LOXHD1: variants seen among roughly 807,000 people sequenced by gnomAD.
LOXHD1 encodes lipoxygenase homology PLAT domains 1.
A neutral mutation model predicts 248.2 loss-of-function variants in LOXHD1; 205 were observed. The observed-to-expected ratio is 0.83, with a 90% CI of 0.74 to 0.93. LOXHD1 has a LOEUF of 0.93. Among genes scored for constraint, LOXHD1 ranks in the 40% least tolerant of loss-of-function variants. LOXHD1 has a pLI of 0.00. For synonymous variants in LOXHD1, 1,113 were observed against 1,162.8 expected (o/e 0.96, Z 0.87); for missense variants, 2,930 against 2,971.6 (o/e 0.99, Z 0.33).
chr18:46,581,693 A>C (rs1266457270), intron 12 of LOXHD1, among the ~76,000 whole-genome samples: 2 of 152,216 alleles, frequency 1.3e-5, no homozygotes, highest in Admixed American at 6.5e-5. Flanking sequence ...TACACATTCA[A>C]CATGTTCAAC....
rs74440735 is a variant in LOXHD1, at chr18:46,618,120, A to G, written c.610+72T>C. On this transcript the variant is annotated intron_variant, in intron 5 of 40. Transcript: ENST00000642948. ...GGGGCTCAAGCTGCCTTCCTCTGCC[A>G]GGATTGTGGGAACCCCATCTACAAA... is the stretch of plus-strand genomic sequence containing the variant. The G allele has an allele frequency of 4.8e-3, 5,543 of 1,150,166 alleles. 145 individuals carry two copies. In the East Asian group the frequency reaches 0.053, roughly 11 times the overall value. 71.2% of individuals were successfully genotyped at this position (1,150,166 alleles called of 1,614,324 possible).
chr18:46,551,720 A>G (rs2037113399), intron 21 of LOXHD1, among the ~76,000 whole-genome samples: 4 of 152,160 alleles, frequency 2.6e-5, no homozygotes. Flanking sequence ...AAGATATCAC[A>G]ATCTTGTAAA....
intron 37 of LOXHD1, among the ~76,000 whole-genome samples, chr18:46,502,414 G>A (rs2034291437): frequency 1.3e-5 from 2 of 152,202 alleles, no homozygotes; most frequent in South Asian, 4.1e-4. Context: ...TGGAGTTGCA[G>A]GCAGGAAGCA....
chr18:46,583,419 T>C (rs1337410753), intron 12 of LOXHD1, among the ~76,000 whole-genome samples: 1 of 151,970 alleles, frequency 6.6e-6, no homozygotes, highest in Non-Finnish European at 1.5e-5. Context: ...TATTTGCAAA[T>C]TATACATCTG....
At chr18:46,485,536 C>T (rs1393749554) in intron 38 of LOXHD1, among the ~76,000 whole-genome samples, 1 of 152,004 alleles carries the variant, frequency 6.6e-6, no homozygotes, top group Non-Finnish European at 1.5e-5. Flanking sequence ...GCAAAGCCAC[C>T]CCAAAGACCC....
intron 34 of LOXHD1, among the ~76,000 whole-genome samples, chr18:46,510,983 G>T (rs575527743): frequency 6.6e-6 from 1 of 152,330 alleles, no homozygotes; most frequent in East Asian, 1.9e-4. Context: ...CCAGGAGCAT[G>T]ATTTTGCAGA....
At chr18:46,624,168 G>A (rs1359973805) in intron 4 of LOXHD1, among the ~76,000 whole-genome samples, 1 of 152,224 alleles carries the variant, frequency 6.6e-6, no homozygotes, top group Non-Finnish European at 1.5e-5. Flanking sequence ...GAGAATGATT[G>A]GGCCTGATTT....
At chr18:46,642,156 C>A (rs1717339859) in intron 2 of LOXHD1, 120 bp from the exon 3 acceptor site, 3 of 862,600 alleles carry the variant, frequency 3.5e-6, no homozygotes, top group Non-Finnish European at 5.6e-6. Context: ...GAGCTATGAG[C>A]AACAAGATCC....
chr18:46,483,706 C>T lies in LOXHD1; in HGVS notation c.6222G>A (p.Leu2074=). 1 of 1,551,764 alleles carries T rather than the reference C, an allele frequency of 6.4e-7. No individual in the cohort carries two copies. The highest frequency in any genetic ancestry group is 8.7e-7 in the Non-Finnish European group (1 of 1,147,014). The part of the protein sequence containing the change: ...TDTFEFDSIY[L]GDIASLCVGH... ...CCACACAGAGGGAGGCAATGTCCCC[C>T]AAGTAGATGCTGTCAAACTCAAACG... The change falls in exon 40 of 41, where the codon TTG becomes TTA. Residue 2074 remains leucine, a synonymous_variant. Coordinates refer to ENST00000642948, the MANE Select transcript of LOXHD1 (RefSeq NM_001384474.1).
intron 37 of LOXHD1, among the ~76,000 whole-genome samples, chr18:46,501,412 C>T (rs527949340): frequency 2.0e-5 from 3 of 152,170 alleles, no homozygotes; most frequent in South Asian, 2.1e-4. Context: ...TTTAAAATGG[C>T]CCCCAAACAT....
chr18:46,563,370 T>A, intron 17 of LOXHD1, 145 bp from the exon 18 acceptor site: 1 of 758,762 alleles, frequency 1.3e-6, no homozygotes, highest in South Asian at 3.1e-5. Context: ...CTCAACACCC[T>A]GAGTAAGCAC....
At chr18:46,551,534 G>A (rs2037105178) in intron 21 of LOXHD1, among the ~76,000 whole-genome samples, 1 of 152,024 alleles carries the variant, frequency 6.6e-6, no homozygotes, top group East Asian at 1.9e-4. Flanking sequence ...AAGGAGGGAA[G>A]GAAAAACTAG....
chr18:46,559,102 TC>T (rs1568183543), intron 20 of LOXHD1: 1 of 1,303,680 alleles, frequency 7.7e-7, no homozygotes, highest in Non-Finnish European at 1.0e-6. Flanking sequence ...AGTTGCTCCC[TC>T]CCCCTAGTTT....
At position 46,572,211 on chromosome 18, in the gene LOXHD1, C is replaced by T. The variant is rs867353779; in HGVS notation, c.1971-49G>A. On this transcript the variant is annotated intron_variant, in intron 14 of 40. Transcript: ENST00000642948. ...TAGCTCTTTGGGTGGAGCAGGCAGACAATCAAAGCTTCACCCATTCATGCA... is the reference window on the plus strand; with the variant it reads ...TAGCTCTTTGGGTGGAGCAGGCAGATAATCAAAGCTTCACCCATTCATGCA... 15 of 1,488,068 alleles carry T rather than the reference C, an allele frequency of 1.0e-5. 1 individual carries two copies. In the Middle Eastern group the frequency reaches 6.8e-4, roughly 67 times the overall value. 92.2% of individuals were successfully genotyped at this position (1,488,068 alleles called of 1,614,324 possible). A position where few individuals can be genotyped will look rare whatever the true frequency, so the allele number is the denominator to read the frequency against.
Position 46,563,327 on chromosome 18 carries a change from C to T in LOXHD1, c.2438-102G>A, listed in dbSNP as rs116219231. On this transcript the variant is annotated intron_variant, in intron 17 of 40. Coordinates refer to ENST00000642948, the MANE Select transcript of LOXHD1 (RefSeq NM_001384474.1). Reference sequence around the variant, plus strand: ...TCCTGAGCCTGTTCCAGGTGCCTGGCGCTTTACAGTCATTCACTTATCTAA... The same window carrying T: ...TCCTGAGCCTGTTCCAGGTGCCTGGTGCTTTACAGTCATTCACTTATCTAA... The T allele has an allele frequency of 3.0e-3, 3,514 of 1,177,774 alleles. 68 individuals are homozygous for T. In the African/African-American group the frequency reaches 0.044, roughly 15 times the overall value. 73.0% of individuals were successfully genotyped at this position (1,177,774 alleles called of 1,614,324 possible).
intron 5 of LOXHD1, among the ~76,000 whole-genome samples, chr18:46,614,372 T>C (rs376578917): frequency 1.3e-5 from 2 of 152,194 alleles, no homozygotes; most frequent in East Asian, 3.9e-4. Flanking sequence ...ATATACATCA[T>C]GGAATACTAT....
intron 4 of LOXHD1, among the ~76,000 whole-genome samples, chr18:46,630,123 T>G (rs9952085): frequency 0.072 from 11,008 of 152,224 alleles, 493 homozygotes; most frequent in African/African-American, 0.12. Flanking sequence ...GACTGGGCCC[T>G]CTGAATGCAA....
rs555994293 is a variant in LOXHD1 at position 46,605,970 on chromosome 18, A to G, written c.760-1741T>C. Among the ~76,000 whole-genome samples, 6 of 152,334 alleles carry G rather than the reference A, an allele frequency of 3.9e-5. No individual in the cohort carries two copies. In the East Asian group the frequency reaches 1.2e-3, roughly 29 times the overall value. ...GAAGATCATTCTAAAGAATCAGAGG[A>G]GGGGCAGAACTCTGGAAAGAACCTA... On this transcript the variant is annotated intron_variant, in intron 6 of 40. Transcript: ENST00000642948.
Position 46,489,980 on chromosome 18 carries a change from T to C in LOXHD1, c.5879-838A>G, listed in dbSNP as rs748073. On this transcript the variant is annotated intron_variant, in intron 37 of 40. Coordinates refer to ENST00000642948, the MANE Select transcript of LOXHD1 (RefSeq NM_001384474.1). ...GAACACATAGCTGCCCTTGTTATAA[T>C]TGGCAGGGCTTCCCTCGGAAGTGTG... Among the ~76,000 whole-genome samples, 334 of 152,370 alleles carry C rather than the reference T, an allele frequency of 2.2e-3. 2 individuals are homozygous for C. The highest frequency in any genetic ancestry group is 7.6e-3 in the African/African-American group (317 of 41,586).
Sources: gnomAD v4.1 joint callset for allele counts (sites outside exome capture counted in the v4.1 genomes callset) on GRCh38, gnomAD v4.1.1 for gene constraint, MANE v1.5 for transcripts, NCBI Gene and HGNC (gene_info 2026-07-23, HGNC 2026-07-21) for gene names.